The following CNGB3 variants were observed in gnomAD, a reference collection of about 807,000 sequenced individuals.
CNGB3 encodes the protein cyclic nucleotide gated channel subunit beta 3.
A neutral mutation model predicts 92.8 loss-of-function variants in CNGB3; 86 were observed. The observed-to-expected ratio is 0.93, with a 90% CI of 0.78 to 1.11. The LOEUF (loss-of-function observed/expected upper bound fraction) is 1.11, where lower values mean the gene tolerates loss of function less well. Among genes scored for constraint, CNGB3 ranks in the 50% least tolerant of loss-of-function variants. The probability of loss-of-function intolerance (pLI) is 0.00; values close to 1 mark genes in which losing one functional copy is unlikely to be tolerated. For synonymous variants in CNGB3, 333 were observed against 332.7 expected (o/e 1.00, Z -0.01); for missense variants, 1,026 against 956.8 (o/e 1.07, Z -0.95).
intron 11 of CNGB3, among the ~76,000 whole-genome samples, chr8:86,629,498 A>G (rs1467199345): frequency 6.6e-6 from 1 of 152,230 alleles, no homozygotes; most frequent in Admixed American, 6.5e-5. Context: ...AGTGTGCAAT[A>G]AAAGTTGAGC....
intron 3 of CNGB3, among the ~76,000 whole-genome samples, chr8:86,680,318 T>G (rs1034226338): frequency 3.9e-5 from 6 of 152,174 alleles, no homozygotes; most frequent in African/African-American, 1.4e-4. Flanking sequence ...ATATGTTAGC[T>G]CATTTAATGC....
At chr8:86,663,722 C>A (rs900683268) in intron 6 of CNGB3, among the ~76,000 whole-genome samples, 5 of 152,094 alleles carry the variant, frequency 3.3e-5, no homozygotes, top group African/African-American at 1.2e-4. Flanking sequence ...GTCTTCTTAC[C>A]AAAATGTAAT....
At chr8:86,594,539 T>C in intron 15 of CNGB3, 1 of 336,430 alleles carries the variant, frequency 3.0e-6, no homozygotes, top group Non-Finnish European at 5.7e-6. Context: ...TTGGTCCACT[T>C]CAGGTCGGTA....
chr8:86,631,309 A>G (rs1274115249), intron 11 of CNGB3, among the ~76,000 whole-genome samples: 3 of 152,190 alleles, frequency 2.0e-5, no homozygotes, highest in Non-Finnish European at 4.4e-5. Flanking sequence ...TATGAGTAAC[A>G]AGATAATTGA....
At chr8:86,636,303 G>A (rs909280364) in intron 10 of CNGB3, among the ~76,000 whole-genome samples, 4 of 151,920 alleles carry the variant, frequency 2.6e-5, no homozygotes, top group Admixed American at 6.6e-5. Flanking sequence ...CGGGCATGGC[G>A]GCTCACACCT....
intron 17 of CNGB3, among the ~76,000 whole-genome samples, chr8:86,576,485 A>G (rs1821664631): frequency 6.6e-6 from 1 of 152,202 alleles, no homozygotes; most frequent in South Asian, 2.1e-4. Context: ...AAAATTTTAA[A>G]TATTTATTTT....
At chr8:86,601,825 A>G (rs1822309538) in intron 15 of CNGB3, among the ~76,000 whole-genome samples, 1 of 152,242 alleles carries the variant, frequency 6.6e-6, no homozygotes, top group Admixed American at 6.5e-5. Context: ...ACTTGAATCA[A>G]CCAAACTACT....
At chr8:86,710,597 C>G (rs1824732218) in intron 3 of CNGB3, among the ~76,000 whole-genome samples, 1 of 152,172 alleles carries the variant, frequency 6.6e-6, no homozygotes, top group Non-Finnish European at 1.5e-5. Context: ...TCAACCAGAC[C>G]TCTTTTCTAA....
At chr8:86,692,788 T>A (rs1295050811) in intron 3 of CNGB3, among the ~76,000 whole-genome samples, 11 of 113,682 alleles carry the variant, frequency 9.7e-5, no homozygotes, top group Non-Finnish European at 1.7e-4. Context: ...GTTGCCTAAA[T>A]ACCTTTTTTT....
intron 4 of CNGB3, among the ~76,000 whole-genome samples, chr8:86,670,317 A>G (rs1309743608): frequency 1.3e-5 from 2 of 151,730 alleles, no homozygotes; most frequent in Non-Finnish European, 2.9e-5. Flanking sequence ...AATATTTACA[A>G]TAAAATTTGT....
At chr8:86,687,380 C>A (rs1824209182) in intron 3 of CNGB3, among the ~76,000 whole-genome samples, 1 of 151,876 alleles carries the variant, frequency 6.6e-6, no homozygotes, top group South Asian at 2.1e-4. Context: ...CTGGCACATG[C>A]TATAATATGG....
In CNGB3 at chr8:86,625,976, C is replaced by A; in HGVS notation, c.1578+7G>T. ...ATACAGAGTCTATTAATTGTAAAAG[C>A]ACTTGCCTTGAACAAGTCGACTTTG... On this transcript the variant is annotated splice_region_variant and intron_variant, in intron 13 of 17. Transcript: ENST00000320005. 6.2e-7 allele frequency: 1 copy of A among 1,607,618 alleles called. No homozygotes were observed. The highest frequency in any genetic ancestry group is 1.7e-4 in the Middle Eastern group (1 of 6,038).
chr8:86,718,819 A>C (rs1466061425), intron 3 of CNGB3, among the ~76,000 whole-genome samples: 1 of 152,094 alleles, frequency 6.6e-6, no homozygotes, highest in Non-Finnish European at 1.5e-5. Flanking sequence ...AAGATAATCC[A>C]CCATGATCAA....
intron 2 of CNGB3, among the ~76,000 whole-genome samples, chr8:86,731,960 T>A (rs545357531): frequency 6.6e-6 from 1 of 152,294 alleles, no homozygotes; most frequent in South Asian, 2.1e-4. Context: ...AAAATCGTAA[T>A]GCAATTTTCC....
intron 6 of CNGB3, chr8:86,661,765 G>T: frequency 2.5e-6 from 4 of 1,589,488 alleles, no homozygotes; most frequent in Non-Finnish European, 8.6e-7. Context: ...TGCTTAGGAA[G>T]GTTATATAAT....
chr8:86,693,052 G>A (rs1011873365), intron 3 of CNGB3, among the ~76,000 whole-genome samples: 6 of 152,136 alleles, frequency 3.9e-5, no homozygotes, highest in Non-Finnish European at 7.3e-5. Context: ...GTTAAAGACA[G>A]GACCCCAATC....
intron 1 of CNGB3, among the ~76,000 whole-genome samples, chr8:86,743,204 T>C (rs1478765984): frequency 1.3e-5 from 2 of 152,314 alleles, no homozygotes; most frequent in African/African-American, 4.8e-5. Flanking sequence ...AGTAACCAAT[T>C]TAATATTTGA....
intron 15 of CNGB3, among the ~76,000 whole-genome samples, chr8:86,602,246 T>C (rs1253460261): frequency 6.6e-6 from 1 of 152,190 alleles, no homozygotes; most frequent in East Asian, 1.9e-4. Flanking sequence ...CTGAGAAGTG[T>C]TTCCACCACT....
At chr8:86,662,957 A>G (rs905313641) in intron 6 of CNGB3, among the ~76,000 whole-genome samples, 1 of 152,210 alleles carries the variant, frequency 6.6e-6, no homozygotes, top group Non-Finnish European at 1.5e-5. Context: ...GTATTCAATA[A>G]AAGGGTAAGT....
Sources: allele counts gnomAD v4.1 joint callset (sites outside exome capture counted in the v4.1 genomes callset), GRCh38; gene constraint gnomAD v4.1.1; transcripts MANE v1.5; gene names NCBI Gene and HGNC (gene_info 2026-07-23, HGNC 2026-07-21).